Variants in VPS13B observed in about 807,000 individuals in gnomAD.
VPS13B encodes intermembrane lipid transfer protein VPS13B.
Under a neutral mutation model 426.4 loss-of-function variants are expected in VPS13B, and 285 were observed. That is an observed-to-expected ratio of 0.67 (90% CI 0.61 to 0.74). The LOEUF (loss-of-function observed/expected upper bound fraction) is 0.74. Among genes scored for constraint, VPS13B ranks in the 30% least tolerant of loss-of-function variants. VPS13B has a pLI of 0.00. For synonymous variants in VPS13B, 1,676 were observed against 1,676.4 expected (o/e 1.00, Z 0.01); for missense variants, 4,537 against 4,782.6 (o/e 0.95, Z 1.51).
chr8:99,270,930 G>A (rs1207930807), intron 17 of VPS13B, among the ~76,000 whole-genome samples: 1 of 152,042 alleles, frequency 6.6e-6, no homozygotes, highest in Non-Finnish European at 1.5e-5. Context: ...AGCATCCTTT[G>A]TTATAAAGAA....
intron 36 of VPS13B, among the ~76,000 whole-genome samples, chr8:99,710,545 C>T (rs1563876086): frequency 6.6e-6 from 1 of 152,082 alleles, no homozygotes; most frequent in Non-Finnish European, 1.5e-5. Flanking sequence ...GGGCTGGCTT[C>T]TCAGAGTGAA....
intron 14 of VPS13B, 57 bp from the exon 15 acceptor site, chr8:99,156,492 T>G: frequency 6.4e-7 from 1 of 1,568,808 alleles, no homozygotes; most frequent in Non-Finnish European, 8.8e-7. Context: ...TAGAGGGAAC[T>G]GCAACTCAGT....
At chr8:99,603,235 A>T (rs1466004343) in intron 33 of VPS13B, among the ~76,000 whole-genome samples, 2 of 152,220 alleles carry the variant, frequency 1.3e-5, no homozygotes, top group Non-Finnish European at 2.9e-5. Context: ...AGTAAGAGGG[A>T]AGATCACCAC....
chr8:99,580,912 G>A (rs567156192), intron 33 of VPS13B, among the ~76,000 whole-genome samples: 46 of 151,006 alleles, frequency 3.0e-4, no homozygotes, highest in African/African-American at 1.1e-3. Context: ...GGAGGCCAAG[G>A]TGCGGGCAGA....
intron 51 of VPS13B, among the ~76,000 whole-genome samples, chr8:99,826,309 G>A (rs538095886): frequency 6.6e-6 from 1 of 152,212 alleles, no homozygotes; most frequent in African/African-American, 2.4e-5. Flanking sequence ...TGGATTCCTA[G>A]GTATTTTATT....
intron 19 of VPS13B, among the ~76,000 whole-genome samples, chr8:99,360,120 A>ATCTATCTATCTT (rs1812422490): frequency 1.6e-5 from 1 of 62,344 alleles, no homozygotes; most frequent in East Asian, 5.0e-4. Context: ...TTTTTTCCTT[A>ATCTATCTATCTT]TCTTTCTTTC....
In VPS13B at chr8:99,511,340, A is replaced by G. The variant is rs756082917; in HGVS notation, c.4461A>G (p.Ala1487=). 1 of 1,614,024 alleles carries G rather than the reference A, an allele frequency of 6.2e-7. No individual in the cohort carries two copies. Among genetic ancestry groups the G allele is most frequent in the South Asian group, 1.1e-5 (1 of 91,074 alleles). The change falls in exon 29 of 62, where the codon GCA becomes GCG. Residue 1487 remains alanine (A), a synonymous_variant. Transcript: ENST00000357162. ...VLYFPLLNAI[A]SIFQAKLPKT... is the part of the protein sequence containing the mutation. ...ATTTTCCTTTACTTAATGCCATTGC[A>G]AGTATATTTCAAGCAAAACTACCAA...
chr8:99,478,210 C>T (rs1015738362), intron 24 of VPS13B, among the ~76,000 whole-genome samples: 2 of 150,940 alleles, frequency 1.3e-5, no homozygotes, highest in African/African-American at 4.9e-5. Flanking sequence ...AGGAACATAA[C>T]ACTTTCTTAG....
intron 33 of VPS13B, among the ~76,000 whole-genome samples, chr8:99,604,666 A>AT (rs1361842792): frequency 2.0e-5 from 3 of 150,326 alleles, no homozygotes; most frequent in Admixed American, 6.6e-5. Flanking sequence ...CGCCCGGCTA[A>AT]TTTTTTTTTG....
intron 3 of VPS13B, among the ~76,000 whole-genome samples, chr8:99,063,336 C>T (rs192557073): frequency 9.4e-4 from 143 of 152,296 alleles, no homozygotes; most frequent in African/African-American, 2.4e-3. Flanking sequence ...CTGTGACAGA[C>T]GGTACCTGGA....
At chr8:99,255,351 T>C (rs1817691911) in intron 17 of VPS13B, among the ~76,000 whole-genome samples, 1 of 152,240 alleles carries the variant, frequency 6.6e-6, no homozygotes. Flanking sequence ...CTTTCTGTGA[T>C]AGTTTTACCG....
At chr8:99,410,834 T>A (rs1815610578) in intron 21 of VPS13B, among the ~76,000 whole-genome samples, 1 of 152,096 alleles carries the variant, frequency 6.6e-6, no homozygotes, top group South Asian at 2.1e-4. Context: ...TGTTCTTGTG[T>A]TAGTTTGCTG....
chr8:99,654,423 T>G (rs900489874), intron 34 of VPS13B, among the ~76,000 whole-genome samples: 1 of 152,196 alleles, frequency 6.6e-6, no homozygotes, highest in African/African-American at 2.4e-5. Context: ...AGAGCCTTCA[T>G]GGACTACTTT....
At chr8:99,866,840 G>T (rs1301520532) in intron 58 of VPS13B, among the ~76,000 whole-genome samples, 1 of 152,212 alleles carries the variant, frequency 6.6e-6, no homozygotes, top group Non-Finnish European at 1.5e-5. Flanking sequence ...GCAAATGAGG[G>T]GTGCTCCCAG....
intron 3 of VPS13B, among the ~76,000 whole-genome samples, chr8:99,093,475 C>T (rs1339512754): frequency 6.6e-6 from 1 of 151,608 alleles, no homozygotes; most frequent in Non-Finnish European, 1.5e-5. Context: ...GTGCGCTGCA[C>T]CCACTAACTT....
intron 39 of VPS13B, among the ~76,000 whole-genome samples, chr8:99,732,099 A>C (rs1034723314): frequency 6.6e-5 from 10 of 152,310 alleles, no homozygotes; most frequent in African/African-American, 2.2e-4. Context: ...AGAACATAAG[A>C]GACACTGCTG....
At chr8:99,848,682 G>A in intron 54 of VPS13B, 94 bp from the exon 55 acceptor site, 1 of 1,082,878 alleles carries the variant, frequency 9.2e-7, no homozygotes, top group Non-Finnish European at 1.4e-6. Flanking sequence ...AATTGTTTGT[G>A]GTATTGAATC....
intron 30 of VPS13B, among the ~76,000 whole-genome samples, chr8:99,540,159 A>G (rs1238123590): frequency 7.3e-6 from 1 of 137,566 alleles, no homozygotes; most frequent in Admixed American, 7.7e-5. Context: ...GACTCACTGC[A>G]AACTCCGCCT....
At chr8:99,604,495 G>GTTT (rs767971168) in intron 33 of VPS13B, among the ~76,000 whole-genome samples, 400 of 115,240 alleles carry the variant, frequency 3.5e-3, no homozygotes, top group Non-Finnish European at 4.4e-3. Flanking sequence ...TTTCCTTGGT[G>GTTT]TTTTTTTTTT....
Sources: gnomAD v4.1 joint callset for allele counts (sites outside exome capture counted in the v4.1 genomes callset) on GRCh38, gnomAD v4.1.1 for gene constraint, MANE v1.5 for transcripts, NCBI Gene and HGNC (gene_info 2026-07-23, HGNC 2026-07-21) for gene names.